KIFC2: variants seen among roughly 807,000 people sequenced by gnomAD.
KIFC2 encodes the protein kinesin family member C2.
Under a neutral mutation model 91.5 loss-of-function variants are expected in KIFC2, and 94 were observed. The ratio of observed to expected loss-of-function variants is 1.03; its 90% confidence interval spans 0.87 to 1.22. The LOEUF (loss-of-function observed/expected upper bound fraction) is 1.22. Ranked by LOEUF, KIFC2 falls within the 50% of genes most tolerant of loss-of-function variation. The probability of loss-of-function intolerance (pLI) is 0.00; values close to 1 mark genes in which losing one functional copy is unlikely to be tolerated. For missense variants in KIFC2, 1,357 were observed against 1,103.3 expected (o/e 1.23, Z -3.26); for synonymous variants, 729 against 503.9 (o/e 1.45, Z -5.98).
rs758933084 is a variant in KIFC2 at position 144,473,170 on chromosome 8, C to T, written c.2157C>T (p.Cys719=). 2 of 1,577,058 alleles carry T rather than the reference C, an allele frequency of 1.3e-6. No homozygotes were observed. The highest frequency in any genetic ancestry group is 2.7e-5 in the African/African-American group (2 of 74,354). ...CGGAGGATCTCGGGGAGACAGTCTG[C>T]TCCCTCAAGTTCGCCGACCGAGTGG... ...TRPEDLGETV[C]SLKFADRVGQ... The change falls in exon 18 of 18, where the codon TGC becomes TGT. Residue 719 remains cysteine (C), a synonymous_variant. Transcript: ENST00000645548.
At chr8:144,470,600 C>G (rs552406478) in intron 12 of KIFC2, 1 of 152,288 alleles carries the variant, frequency 6.6e-6, no homozygotes, top group Non-Finnish European at 1.5e-5. Context: ...ACAGCCCACC[C>G]TGTTAGCAGC....
chr8:144,471,706 C>G (rs1451475288), intron 12 of KIFC2, among the ~76,000 whole-genome samples: 1 of 152,096 alleles, frequency 6.6e-6, no homozygotes, highest in African/African-American at 2.4e-5. Context: ...TAGGCTGTTC[C>G]TCTTCTCATT....
intron 2 of KIFC2, 24 bp from the exon 3 acceptor site, chr8:144,466,935 C>G (rs545816844): frequency 3.2e-6 from 5 of 1,582,244 alleles, no homozygotes; most frequent in Non-Finnish European, 4.3e-6. Context: ...CGAAATGTCT[C>G]CCGCCCTCCT....
Position 144,468,004 on chromosome 8 carries a change from C to A in KIFC2, c.810+17C>A. 1 of 1,523,632 alleles carries A rather than the reference C, an allele frequency of 6.6e-7. No homozygotes were observed. The highest frequency in any genetic ancestry group is 8.8e-7 in the Non-Finnish European group (1 of 1,142,008). 94.4% of individuals were successfully genotyped at this position (1,523,632 alleles called of 1,614,324 possible). Reference sequence around the variant, plus strand: ...GCTCCGCAGGTACTCTGCTCCCGAGCTGCAGCCGTTCCTGCAGCCTGGGGC... The same window carrying A: ...GCTCCGCAGGTACTCTGCTCCCGAGATGCAGCCGTTCCTGCAGCCTGGGGC... On this transcript the variant is annotated intron_variant, in intron 7 of 17. Coordinates refer to ENST00000645548, the MANE Select transcript of KIFC2 (RefSeq NM_001369769.2).
rs1478893942 is a variant in KIFC2, at chr8:144,469,653, A to G, written c.1380+6A>G. ...CAGACGCCAGCCAGGAGGAGGTGAC[A>G]GCCTGCCTTTGCAGCCATCCTGACC... On this transcript the variant is annotated splice_donor_region_variant and intron_variant, in intron 12 of 17. Coordinates refer to ENST00000645548, the MANE Select transcript of KIFC2 (RefSeq NM_001369769.2). 1.9e-5 allele frequency: 30 copies of G among 1,588,144 alleles called. No individual in the cohort carries two copies. Among genetic ancestry groups the G allele is most frequent in the Non-Finnish European group, 2.5e-5 (29 of 1,168,678 alleles).
At chr8:144,470,571 C>T (rs903346507) in intron 12 of KIFC2, 3 of 152,278 alleles carry the variant, frequency 2.0e-5, no homozygotes, top group African/African-American at 4.8e-5. Flanking sequence ...AGCCTTGTGG[C>T]TGTCTTCAAA....
chr8:144,467,489 C>T lies in KIFC2; in HGVS notation c.474C>T (p.Ser158=), dbSNP rs1358593616. 3 of 1,566,300 alleles carry T rather than the reference C, an allele frequency of 1.9e-6. No homozygotes were observed. Among genetic ancestry groups the T allele is most frequent in the Admixed American group, 1.9e-5 (1 of 51,556 alleles). The change falls in exon 5 of 18, where the codon TCC becomes TCT. Residue 158 remains serine, a synonymous_variant. Coordinates refer to ENST00000645548, the MANE Select transcript of KIFC2 (RefSeq NM_001369769.2). ...ACTGGGCCCACCCTACTCCAGGATC[C>T]ACATCCCAAGAAGAAAGCCCTTCCC... is the stretch of plus-strand genomic sequence containing the variant. ...PRVRPPSPDG[S]TSQEESPSHF...
intron 12 of KIFC2, among the ~76,000 whole-genome samples, chr8:144,471,035 C>G (rs1463999273): frequency 6.6e-6 from 1 of 150,708 alleles, no homozygotes; most frequent in Non-Finnish European, 1.5e-5. Context: ...GTGATCTCGG[C>G]TCACTGCAAC....
In KIFC2 at chr8:144,472,475, A is replaced by G. The variant is rs757769743; in HGVS notation, c.1722A>G (p.Thr574=). The G allele has an allele frequency of 6.2e-6, 10 of 1,611,870 alleles. No individual in the cohort carries two copies. Among genetic ancestry groups the G allele is most frequent in the South Asian group, 2.2e-5 (2 of 91,012 alleles). ...LTHWDVPNLE[T]LHQMLKLGRS... is the part of the protein sequence containing the mutation. ...ACTGGGACGTGCCCAACCTGGAGACATTGCACCAGGTAGGGCTGCACCGCT... is the reference window on the plus strand; with the variant it reads ...ACTGGGACGTGCCCAACCTGGAGACGTTGCACCAGGTAGGGCTGCACCGCT... The change falls in exon 15 of 18, where the codon ACA becomes ACG. Residue 574 remains threonine, a synonymous_variant. Transcript: ENST00000645548.
In KIFC2 at chr8:144,472,245, C is replaced by T; in HGVS notation, c.1593C>T (p.Tyr531=). The T allele has an allele frequency of 6.2e-7, 1 of 1,613,366 alleles. No homozygotes were observed. Among genetic ancestry groups the T allele is most frequent in the South Asian group, 1.1e-5 (1 of 91,086 alleles). ...HRVTLSMVEI[Y]NEAVRDLLAP... Reference sequence around the variant, plus strand: ...TGACACTCAGCATGGTGGAGATCTACAATGAGGCTGTCAGGTGGGCTACTC... The same window carrying T: ...TGACACTCAGCATGGTGGAGATCTATAATGAGGCTGTCAGGTGGGCTACTC... The change falls in exon 14 of 18, where the codon TAC becomes TAT. Residue 531 remains tyrosine (Y), a synonymous_variant. Coordinates refer to ENST00000645548, the MANE Select transcript of KIFC2 (RefSeq NM_001369769.2).
In KIFC2 at chr8:144,472,399, T is replaced by G; in HGVS notation, c.1646T>G (p.Val549Gly). The G allele has an allele frequency of 1.2e-6, 2 of 1,613,146 alleles. No homozygotes were observed. The highest frequency in any genetic ancestry group is 1.7e-6 in the Non-Finnish European group (2 of 1,179,886). Reference sequence around the variant, plus strand: ...CCAGGGCCTCCCGAGCGCCTGGCCGTGAGGCAGGGCCCAGAAGGCCAGGGC... The same window carrying G: ...CCAGGGCCTCCCGAGCGCCTGGCCGGGAGGCAGGGCCCAGAAGGCCAGGGC... The part of the protein sequence containing the change: ...LAPGPPERLA[V>G]RQGPEGQGGI... The change falls in exon 15 of 18, where the codon GTG becomes GGG. Residue 549 changes from valine to glycine, a missense_variant. Coordinates refer to ENST00000645548, the MANE Select transcript of KIFC2 (RefSeq NM_001369769.2).
chr8:144,472,688 C>G lies in KIFC2; in HGVS notation c.1843C>G (p.Arg615Gly), dbSNP rs769778163. The G allele has an allele frequency of 1.9e-6, 3 of 1,595,344 alleles. No homozygotes were observed. Among genetic ancestry groups the G allele is most frequent in the East Asian group, 4.5e-5 (2 of 44,748 alleles). Residue 615 changes from arginine (R) to glycine (G), a missense_variant, in exon 16 of 18, where the codon CGC becomes GGC. Arg to Gly is a moderately radical substitution (Grantham distance 125, BLOSUM62 -2). Coordinates refer to ENST00000645548, the MANE Select transcript of KIFC2 (RefSeq NM_001369769.2). ...GACGCTGCGCGCGGCGTCTCCACCG[C>G]GCGCTCCAGGCACCGCAGGTACCAC... ...TLTLRAASPP[R>G]APGTAGTLHL... is the part of the protein sequence containing the mutation.
rs1306114461 is a variant in KIFC2, at chr8:144,466,481, G to A, written c.62G>A (p.Gly21Asp). The change falls in exon 1 of 18, where the codon GGC becomes GAC. Residue 21 changes from glycine (G) to aspartate (D), a missense_variant. Physicochemically the swap from Gly to Asp is moderately conservative, Grantham distance 94. Transcript: ENST00000645548. Reference sequence around the variant, plus strand: ...TACAGCCTCTTCCGCAGGGATGGTGGCGCCGCGGCGGCCGCGGAGCCCGGG... The same window carrying A: ...TACAGCCTCTTCCGCAGGGATGGTGACGCCGCGGCGGCCGCGGAGCCCGGG... ...IFYSLFRRDG[G>D]AAAAAEPGDP... The A allele has an allele frequency of 7.5e-7, 1 of 1,333,768 alleles. No homozygotes were observed. Among genetic ancestry groups the A allele is most frequent in the South Asian group, 1.9e-5 (1 of 53,512 alleles). The allele number at this position is 1,333,768 out of a possible 1,614,324, so 82.6% of individuals were successfully genotyped here. A position where few individuals can be genotyped will look rare whatever the true frequency, so the allele number is the denominator to read the frequency against.
chr8:144,470,110 C>G (rs534992074), intron 12 of KIFC2, among the ~76,000 whole-genome samples: 1 of 152,230 alleles, frequency 6.6e-6, no homozygotes, highest in African/African-American at 2.4e-5. Context: ...TGCACATGCC[C>G]TTTGCTGCTA....
intron 1 of KIFC2, 27 bp from the exon 2 acceptor site, chr8:144,466,733 T>A: frequency 6.7e-7 from 1 of 1,502,688 alleles, no homozygotes; most frequent in Non-Finnish European, 8.9e-7. Context: ...GCCCCCCTCC[T>A]CAGGGGCGCC....
chr8:144,469,395 GA>G lies in KIFC2; in HGVS notation c.1222+17del. Reference sequence around the variant, plus strand: ...GAACTCAAGGGTATGACAGGCTTGGGAGCCTAGCGGGGCAGGGAGGGCGGCT... The same window carrying G: ...GAACTCAAGGGTATGACAGGCTTGGGGCCTAGCGGGGCAGGGAGGGCGGCT... On this transcript the variant is annotated intron_variant, in intron 11 of 17. Transcript: ENST00000645548. 2 of 1,611,788 alleles carry G rather than the reference GA, an allele frequency of 1.2e-6. No individual in the cohort carries two copies. Among genetic ancestry groups the G allele is most frequent in the South Asian group, 1.1e-5 (1 of 90,922 alleles).
rs1824946817 is a variant in KIFC2, at chr8:144,472,020, G to A, written c.1459G>A (p.Gly487Ser). 1 of 1,613,534 alleles carries A rather than the reference G, an allele frequency of 6.2e-7. No individual in the cohort carries two copies. Among genetic ancestry groups the A allele is most frequent in the Admixed American group, 1.7e-5 (1 of 60,032 alleles). ...SVCIFTYGQT[G>S]TGKTYSMEGP... ...CTGCATCTTCACCTATGGCCAGACA[G>A]GCACCGGGAAGACCTACAGCATGGA... Residue 487 changes from glycine to serine, a missense_variant, in exon 13 of 18, where the codon GGC becomes AGC. Physicochemically the swap from Gly to Ser is moderately conservative, Grantham distance 56 (BLOSUM62 0). Transcript: ENST00000645548.
chr8:144,473,223 G>A lies in KIFC2; in HGVS notation c.2210G>A (p.Arg737His). The A allele has an allele frequency of 1.3e-6, 2 of 1,594,670 alleles. 1 individual carries two copies. The highest frequency in any genetic ancestry group is 1.7e-6 in the Non-Finnish European group (2 of 1,171,830). Residue 737 changes from arginine (R) to histidine (H), a missense_variant, in exon 18 of 18, where the codon CGC becomes CAC. By Grantham distance (29) the Arg-to-His change is conservative. Transcript: ENST00000645548. ...CAAGTGGAGCTGGGGCCAGCCCGGC[G>A]CCGCAGGGTCCCGCGCTCCTCCGGG... The part of the protein sequence containing the change: ...VGQVELGPAR[R>H]RRVPRSSGTP...
intron 7 of KIFC2, 57 bp downstream of exon 7, chr8:144,468,044 C>G: frequency 6.8e-7 from 1 of 1,478,144 alleles, no homozygotes; most frequent in Non-Finnish European, 8.9e-7. Flanking sequence ...GCACACCTGG[C>G]ATGCAGCCAC....
Sources: allele counts gnomAD v4.1 joint callset (sites outside exome capture counted in the v4.1 genomes callset), GRCh38; gene constraint gnomAD v4.1.1; transcripts MANE v1.5; gene names NCBI Gene and HGNC (gene_info 2026-07-23, HGNC 2026-07-21).